Variants in KIF6 observed in about 807,000 individuals in gnomAD.
KIF6 encodes kinesin family member 6, also known as kinesin-like protein KIF6.
Under a neutral mutation model 112.7 loss-of-function variants are expected in KIF6, and 106 were observed. That is an observed-to-expected ratio of 0.94 (90% CI 0.80 to 1.11). The LOEUF is 1.11. KIF6 is among the 50% of genes least tolerant of loss of function. KIF6 has a pLI of 0.00. For missense variants in KIF6, 929 were observed against 964.0 expected (o/e 0.96, Z 0.48); for synonymous variants, 339 against 339.9 (o/e 1.00, Z 0.03).
chr6:39,610,515 G>T (rs1783158144), intron 6 of KIF6, among the ~76,000 whole-genome samples: 1 of 152,162 alleles, frequency 6.6e-6, no homozygotes, highest in Admixed American at 6.5e-5. Flanking sequence ...TTAAAAAAAT[G>T]ATTCGTTTGT....
At chr6:39,534,593 AC>A (rs1778295524) in intron 13 of KIF6, among the ~76,000 whole-genome samples, 1 of 152,226 alleles carries the variant, frequency 6.6e-6, no homozygotes, top group South Asian at 2.1e-4. Context: ...TGATTGGTGT[AC>A]CTAAAAGTGA....
intron 22 of KIF6, among the ~76,000 whole-genome samples, chr6:39,337,158 T>TCCTTCCTTCCTTCCTTC (rs1491446959): frequency 5.6e-5 from 4 of 71,194 alleles, no homozygotes; most frequent in South Asian, 3.7e-4. Flanking sequence ...CTCTTTCTTT[T>TCCTTCCTTCCTTCCTTC]CTTTCTTTCC....
At chr6:39,613,016 T>G (rs970326015) in intron 6 of KIF6, among the ~76,000 whole-genome samples, 173 bp downstream of exon 6, 3 of 152,216 alleles carry the variant, frequency 2.0e-5, no homozygotes, top group African/African-American at 7.2e-5. Flanking sequence ...TGGGAAAGTC[T>G]CCTCACTTAT....
intron 7 of KIF6, among the ~76,000 whole-genome samples, chr6:39,594,176 T>G (rs896447820): frequency 7.3e-5 from 11 of 151,154 alleles, no homozygotes; most frequent in African/African-American, 2.7e-4. Context: ...ATAGTTTTAG[T>G]GACACATAGC....
chr6:39,550,021 C>G (rs950792932), intron 10 of KIF6, among the ~76,000 whole-genome samples: 2 of 151,850 alleles, frequency 1.3e-5, no homozygotes, highest in Admixed American at 6.6e-5. Context: ...TTTTGGCCAG[C>G]TAGTTGTCTT....
intron 16 of KIF6, among the ~76,000 whole-genome samples, chr6:39,362,945 T>C (rs539991886): frequency 1.3e-5 from 2 of 152,290 alleles, no homozygotes; most frequent in East Asian, 3.9e-4. Flanking sequence ...GGTTAGGAGT[T>C]CGAGACTGGC....
At chr6:39,477,046 G>A (rs546520958) in intron 13 of KIF6, among the ~76,000 whole-genome samples, 1 of 152,172 alleles carries the variant, frequency 6.6e-6, no homozygotes. Flanking sequence ...GAGGGATACA[G>A]AAATGATGAA....
intron 10 of KIF6, among the ~76,000 whole-genome samples, chr6:39,567,226 A>G (rs1472946167): frequency 6.6e-6 from 1 of 152,224 alleles, no homozygotes. Flanking sequence ...AGTACATAAC[A>G]CGAATTACCC....
intron 14 of KIF6, among the ~76,000 whole-genome samples, chr6:39,424,405 A>C (rs1047541281): frequency 6.6e-6 from 1 of 152,218 alleles, no homozygotes; most frequent in African/African-American, 2.4e-5. Context: ...CAATATGGTA[A>C]GCTCCATGAG....
chr6:39,438,122 G>A (rs765146092), intron 13 of KIF6, among the ~76,000 whole-genome samples: 10 of 151,894 alleles, frequency 6.6e-5, no homozygotes, highest in African/African-American at 1.2e-4. Context: ...GGATTTGTCC[G>A]CCACCACGCT....
chr6:39,629,140 G>A (rs1784235435), intron 5 of KIF6, among the ~76,000 whole-genome samples: 1 of 152,046 alleles, frequency 6.6e-6, no homozygotes, highest in Admixed American at 6.6e-5. Context: ...TGTATTTGTG[G>A]GAAGGTTTTT....
chr6:39,557,723 G>A (rs13209820), intron 10 of KIF6, among the ~76,000 whole-genome samples: 28,883 of 151,788 alleles, frequency 0.19, 3,009 homozygotes, highest in South Asian at 0.32. Flanking sequence ...ATGAACTTTT[G>A]TATAGAAAGC....
intron 9 of KIF6, among the ~76,000 whole-genome samples, chr6:39,584,398 C>T (rs1781481201): frequency 8.5e-6 from 1 of 117,796 alleles, no homozygotes; most frequent in African/African-American, 3.2e-5. Flanking sequence ...ACACTCCAGC[C>T]TGAGCAAGAC....
At chr6:39,635,036 C>A in intron 4 of KIF6, 78 bp from the exon 5 acceptor site, 1 of 760,356 alleles carries the variant, frequency 1.3e-6, no homozygotes, top group East Asian at 2.5e-5. Flanking sequence ...ACATTTAGCA[C>A]TCAGTTTCCT....
At chr6:39,529,493 A>G (rs1389617072) in intron 13 of KIF6, among the ~76,000 whole-genome samples, 1 of 152,194 alleles carries the variant, frequency 6.6e-6, no homozygotes, top group East Asian at 1.9e-4. Flanking sequence ...TCAATTTAAA[A>G]ATGGGTGACC....
intron 9 of KIF6, among the ~76,000 whole-genome samples, chr6:39,579,058 CTT>C (rs1781140168): frequency 6.6e-6 from 1 of 152,180 alleles, no homozygotes; most frequent in African/African-American, 2.4e-5. Context: ...TTATGAATCT[CTT>C]TGAGCACGTA....
chr6:39,445,718 C>A (rs1192641378), intron 13 of KIF6, among the ~76,000 whole-genome samples: 1 of 152,164 alleles, frequency 6.6e-6, no homozygotes, highest in Non-Finnish European at 1.5e-5. Flanking sequence ...CCTCCTGAGG[C>A]AGGTTTTAGA....
chr6:39,649,769 GAAAGA>G (rs1561897489), intron 3 of KIF6, among the ~76,000 whole-genome samples: 9,225 of 102,838 alleles, frequency 0.09, 340 homozygotes, highest in African/African-American at 0.11. Context: ...AAGAAAGAAA[GAAAGA>G]AAAGAAACTA....
At chr6:39,579,697 G>T (rs967134891) in intron 9 of KIF6, among the ~76,000 whole-genome samples, 3 of 151,820 alleles carry the variant, frequency 2.0e-5, no homozygotes, top group Non-Finnish European at 4.4e-5. Flanking sequence ...AGTGTTAAAG[G>T]TTTGATTTTC....
Sources: allele counts gnomAD v4.1 joint callset (sites outside exome capture counted in the v4.1 genomes callset), GRCh38; gene constraint gnomAD v4.1.1; transcripts MANE v1.5; gene names NCBI Gene and HGNC (gene_info 2026-07-23, HGNC 2026-07-21).